Variants in ICE1 observed in about 807,000 individuals in gnomAD.
The protein encoded by ICE1 is little elongation complex subunit 1.
ICE1 carries 64 observed loss-of-function variants against 192.7 expected under a neutral mutation model. The ratio of observed to expected loss-of-function variants is 0.33; its 90% CI spans 0.27 to 0.41. The LOEUF is 0.41. Ranked by LOEUF, ICE1 falls within the 10% of genes least tolerant of loss-of-function variation. The pLI is 1.00. For missense variants in ICE1, 2,708 were observed against 2,696.0 expected, an observed-to-expected ratio of 1.00 and a Z score of -0.10; for synonymous variants, 1,010 against 984.5, an observed-to-expected ratio of 1.03 and a Z score of -0.49.
intron 1 of ICE1, among the ~76,000 whole-genome samples, chr5:5,430,008 A>C (rs1737651716): frequency 6.6e-6 from 1 of 152,358 alleles, no homozygotes; most frequent in South Asian, 2.1e-4. Flanking sequence ...AGAATTGAAA[A>C]TAAGCCTGAA....
At chr5:5,476,538 G>A (rs1670929147) in intron 17 of ICE1, among the ~76,000 whole-genome samples, 3 of 152,116 alleles carry the variant, frequency 2.0e-5, no homozygotes, top group South Asian at 2.1e-4. Flanking sequence ...TGCTTGGCTC[G>A]TGGGGAAGCC....
rs747784192 is a variant in ICE1, at chr5:5,465,065, C to A, written c.5731C>A (p.His1911Asn). The change falls in exon 13 of 19, where the codon CAT becomes AAT. Residue 1911 changes from histidine to asparagine, a missense_variant. Transcript: ENST00000296564. ...AAGCCCAAAAGAAACTGTGGAGTCCCATGATAAAGCCATAGCTAATGCCCT... is the reference window on the plus strand; with the variant it reads ...AAGCCCAAAAGAAACTGTGGAGTCCAATGATAAAGCCATAGCTAATGCCCT... Reference protein sequence around the residue: ...PLSPKETVESHDKAIANALKK... With the variant: ...PLSPKETVESNDKAIANALKK... The A allele has an allele frequency of 2.5e-6, 4 of 1,613,918 alleles. No individual in the cohort carries two copies. Among genetic ancestry groups the A allele is most frequent in the Non-Finnish European group, 3.4e-6 (4 of 1,179,862 alleles).
intron 1 of ICE1, among the ~76,000 whole-genome samples, chr5:5,423,277 C>T (rs896732594): frequency 2.0e-5 from 3 of 152,172 alleles, no homozygotes; most frequent in Non-Finnish European, 4.4e-5. Context: ...GAGGGCCCCC[C>T]ACCTTCCCTA....
At chr5:5,430,779 A>G (rs1737683799) in intron 1 of ICE1, among the ~76,000 whole-genome samples, 1 of 152,144 alleles carries the variant, frequency 6.6e-6, no homozygotes, top group Non-Finnish European at 1.5e-5. Flanking sequence ...CAGTATTTGA[A>G]GTTGACATTA....
chr5:5,422,936 TTCGGCGGCGCCCGGG>T lies in ICE1; in HGVS notation c.22_36del (p.Ser8_Gly12del). 6.9e-7 allele frequency: 1 copy of T among 1,442,742 alleles called. No homozygotes were observed. The highest frequency in any genetic ancestry group is 9.1e-7 in the Non-Finnish European group (1 of 1,098,948). 89.4% of individuals were successfully genotyped at this position (1,442,742 alleles called of 1,614,324 possible). ...GCACCATGATGCCGGGCGAGACCCA[TTCGGCGGCGCCCGGG>T]ACGGCGGCGGACCTGTCGCGATGTC... On this transcript the variant is annotated inframe_deletion, in exon 1 of 19. Coordinates refer to ENST00000296564, the MANE Select transcript of ICE1 (RefSeq NM_015325.3).
chr5:5,449,170 T>C (rs1738339479), intron 10 of ICE1, among the ~76,000 whole-genome samples: 2 of 152,312 alleles, frequency 1.3e-5, no homozygotes, highest in South Asian at 2.1e-4. Context: ...TAAAATTGTT[T>C]TATGTTTTGT....
intron 17 of ICE1, among the ~76,000 whole-genome samples, chr5:5,480,869 A>G (rs946328222): frequency 1.3e-5 from 2 of 152,236 alleles, no homozygotes; most frequent in Non-Finnish European, 2.9e-5. Context: ...GCCAAAGACT[A>G]TGAATTTGGT....
In ICE1 at chr5:5,462,507, G is replaced by A. The variant is rs3806874; in HGVS notation, c.3173G>A (p.Gly1058Asp). 0.035 allele frequency: 55,755 copies of A among 1,613,942 alleles called. 3,616 individuals are homozygous for A. The highest frequency in any genetic ancestry group is 0.3 in the East Asian group (13,495 of 44,844). ...LWKLKSTTPG[G>D]ALPECFGTTD... ...AAATTGAAATCTACAACTCCCGGTGGTGCTTTGCCTGAGTGTTTTGGCACC... is the reference window on the plus strand; with the variant it reads ...AAATTGAAATCTACAACTCCCGGTGATGCTTTGCCTGAGTGTTTTGGCACC... The change falls in exon 13 of 19, where the codon GGT (glycine) becomes GAT (aspartate). Residue 1058 changes from glycine to aspartate, a missense_variant. Gly to Asp is a moderately conservative substitution (Grantham distance 94, BLOSUM62 -1). Around this residue, in one of 2 missense-constraint regions of ICE1, gnomAD observed 2,366 missense variants for 2,276.6 expected, o/e 1.04. Transcript: ENST00000296564.
chr5:5,460,806 T>A lies in ICE1; in HGVS notation c.1472T>A (p.Met491Lys). ...AAAACACAAATGGAGGTTAGGGAGA[T>A]GGATAAGTCAGTACAAACTGAGAAG... Reference protein sequence around the residue: ...ETKTQMEVREMDKSVQTEKTI... With the variant: ...ETKTQMEVREKDKSVQTEKTI... The change falls in exon 13 of 19, where the codon ATG (methionine) becomes AAG (lysine). Residue 491 changes from methionine (M) to lysine (K), a missense_variant. Transcript: ENST00000296564. 1 of 1,613,956 alleles carries A rather than the reference T, an allele frequency of 6.2e-7. No homozygotes were observed. The highest frequency in any genetic ancestry group is 8.5e-7 in the Non-Finnish European group (1 of 1,179,890).
intron 17 of ICE1, among the ~76,000 whole-genome samples, chr5:5,480,959 T>G (rs62335516): frequency 0.2 from 31,153 of 152,122 alleles, 4,194 homozygotes; most frequent in Non-Finnish European, 0.3. Context: ...CAAAACTGTT[T>G]TGCTGAATTC....
At chr5:5,477,305 T>C (rs1739346857) in intron 17 of ICE1, among the ~76,000 whole-genome samples, 1 of 152,174 alleles carries the variant, frequency 6.6e-6, no homozygotes, top group African/African-American at 2.4e-5. Context: ...ATAAAGGGGT[T>C]ATCACCACTG....
rs997307859 is a variant in ICE1 at position 5,466,095 on chromosome 5, A to G, written c.5893-239A>G. ...TTGAGACTTGCATTCTGGCATCTGC[A>G]GCATTTACCAGCCATAGGAAACAGA... On this transcript the variant is annotated intron_variant, in intron 13 of 18. Coordinates refer to ENST00000296564, the MANE Select transcript of ICE1 (RefSeq NM_015325.3). 1.2e-3 allele frequency among the ~76,000 whole-genome samples: 178 copies of G among 152,194 alleles called. 2 individuals carry two copies. Among genetic ancestry groups the G allele is most frequent in the Non-Finnish European group, 1.0e-4 (7 of 68,034 alleles).
chr5:5,478,419 C>T (rs1331769382), intron 17 of ICE1, among the ~76,000 whole-genome samples: 1 of 152,170 alleles, frequency 6.6e-6, no homozygotes, highest in Non-Finnish European at 1.5e-5. Context: ...TGAAGGACCT[C>T]TTCAAGGAGA....
At position 5,466,404 on chromosome 5, in the gene ICE1, A is replaced by G. The variant is rs748122093; in HGVS notation, c.5963A>G (p.Asn1988Ser). The stretch of plus-strand genomic sequence containing the variant: ...ATTCAGAAGATATCTATGGACCACA[A>G]TTACATTCACGCCCTCTGCAGGGTG... ...LKIQKISMDH[N>S]YIHALCRVYV... The change falls in exon 14 of 19, where the codon AAT (asparagine) becomes AGT (serine). Residue 1988 changes from asparagine (N) to serine (S), a missense_variant. Asn to Ser is a conservative substitution (Grantham distance 46, BLOSUM62 1). Around this residue, in one of 2 missense-constraint regions of ICE1, gnomAD observed 342 missense variants for 419.3 expected, o/e 0.82. Transcript: ENST00000296564. The G allele has an allele frequency of 7.4e-6, 12 of 1,613,546 alleles. No individual in the cohort carries two copies. Among genetic ancestry groups the G allele is most frequent in the East Asian group, 4.5e-5 (2 of 44,882 alleles).
At chr5:5,454,522 G>T in intron 10 of ICE1, 30 bp from the exon 11 acceptor site, 3 of 1,549,028 alleles carry the variant, frequency 1.9e-6, no homozygotes, top group Non-Finnish European at 2.7e-6. Context: ...GCCAAATGAC[G>T]TGACTTTAAT....
At chr5:5,425,317 T>C (rs142089206) in intron 1 of ICE1, among the ~76,000 whole-genome samples, 1 of 152,330 alleles carries the variant, frequency 6.6e-6, no homozygotes, top group East Asian at 1.9e-4. Flanking sequence ...CTGCAAACTT[T>C]TTCTGTAAGG....
chr5:5,466,522 A>C lies in ICE1; in HGVS notation c.6061+20A>C, dbSNP rs780395126. On this transcript the variant is annotated intron_variant, in intron 14 of 18. Transcript: ENST00000296564. ...AAGAAGGTATGCTTAGATTGTGACA[A>C]TTTTGTATTGAAAATATACGATTGC... is the stretch of plus-strand genomic sequence containing the variant. 3.8e-6 allele frequency: 6 copies of C among 1,586,424 alleles called. No homozygotes were observed. The Admixed American group carries it at 5.5e-5, about 15-fold the overall frequency.
Position 5,460,600 on chromosome 5 carries a change from A to G in ICE1, c.1266A>G (p.Ser422=), listed in dbSNP as rs1445284770. 1 of 1,613,542 alleles carries G rather than the reference A, an allele frequency of 6.2e-7. No homozygotes were observed. Residue 422 remains serine, a synonymous_variant, in exon 13 of 19, where the codon TCA becomes TCG. Coordinates refer to ENST00000296564, the MANE Select transcript of ICE1 (RefSeq NM_015325.3). ...GSGTWEEKPK[S]HEAIQALNTW... ...GCACATGGGAGGAAAAGCCCAAATC[A>G]CATGAAGCTATCCAAGCTCTGAATA...
intron 10 of ICE1, among the ~76,000 whole-genome samples, chr5:5,452,368 A>G (rs937805957): frequency 2.0e-5 from 3 of 152,068 alleles, no homozygotes; most frequent in Admixed American, 6.6e-5. Context: ...TACAATGAAC[A>G]TATACATTGT....
Sources: gnomAD v4.1 joint callset for allele counts (sites outside exome capture counted in the v4.1 genomes callset) on GRCh38, gnomAD v4.1.1 for gene constraint, gnomAD v4.1.1 regional missense constraint, MANE v1.5 for transcripts, NCBI Gene and HGNC (gene_info 2026-07-23, HGNC 2026-07-21) for gene names.